Variants in WWC2 observed in about 807,000 individuals in gnomAD.
WWC2 encodes protein WWC2.
WWC2 carries 101 observed loss-of-function variants against 138.5 expected under a neutral mutation model. The observed-to-expected ratio is 0.73, with a 90% CI of 0.62 to 0.86. The LOEUF (loss-of-function observed/expected upper bound fraction) is 0.86, where lower values mean the gene tolerates loss of function less well. WWC2 is among the 40% of genes least tolerant of loss of function. The pLI is 0.00. For synonymous variants in WWC2, 558 were observed against 538.4 expected (o/e 1.04, Z -0.50); for missense variants, 1,420 against 1,419.4 (o/e 1.00, Z -0.01).
intron 4 of WWC2, among the ~76,000 whole-genome samples, chr4:183,223,289 A>G (rs372631117): frequency 5.5e-4 from 84 of 152,364 alleles, no homozygotes; most frequent in African/African-American, 1.9e-3. Context: ...GAATTGCCCA[A>G]CATCGTATTT....
At chr4:183,227,729 C>T (rs768684745) in intron 4 of WWC2, among the ~76,000 whole-genome samples, 1 of 151,934 alleles carries the variant, frequency 6.6e-6, no homozygotes, top group Non-Finnish European at 1.5e-5. Flanking sequence ...TCATACCAAT[C>T]GTGTTTTCTT....
intron 1 of WWC2, among the ~76,000 whole-genome samples, chr4:183,146,727 G>A (rs1032649830): frequency 6.6e-6 from 1 of 152,202 alleles, no homozygotes; most frequent in East Asian, 1.9e-4. Flanking sequence ...CAATGACAAC[G>A]TTGTCAGCAC....
At chr4:183,146,049 G>A (rs1335981191) in intron 1 of WWC2, among the ~76,000 whole-genome samples, 1 of 152,192 alleles carries the variant, frequency 6.6e-6, no homozygotes, top group Admixed American at 6.5e-5. Flanking sequence ...ATGGTAGGAA[G>A]GTCTGAGTAA....
chr4:183,149,486 G>A (rs1021899883), intron 1 of WWC2, among the ~76,000 whole-genome samples: 6 of 152,072 alleles, frequency 3.9e-5, no homozygotes, highest in African/African-American at 1.4e-4. Context: ...GCCAGGTGTG[G>A]TGGTGTATGC....
At chr4:183,219,067 T>G (rs1465295745) in intron 4 of WWC2, among the ~76,000 whole-genome samples, 1 of 152,328 alleles carries the variant, frequency 6.6e-6, no homozygotes, top group East Asian at 1.9e-4. Flanking sequence ...GAAAACATTA[T>G]GTTAAGTGAA....
intron 4 of WWC2, among the ~76,000 whole-genome samples, chr4:183,219,211 A>AG (rs1282713030): frequency 1.3e-5 from 2 of 152,198 alleles, no homozygotes; most frequent in Non-Finnish European, 2.9e-5. Flanking sequence ...ACTGTTTAAT[A>AG]GGGACAGAGT....
intron 1 of WWC2, among the ~76,000 whole-genome samples, chr4:183,147,112 A>G (rs1478194108): frequency 6.6e-6 from 1 of 152,206 alleles, no homozygotes. Flanking sequence ...CTGGGACCAC[A>G]ATTCTGTGTT....
At position 183,280,758 on chromosome 4, in the gene WWC2, A is replaced by C. The variant is rs1432092429; in HGVS notation, c.2563-18A>C. On this transcript the variant is annotated intron_variant, in intron 16 of 22. Coordinates refer to ENST00000403733, the MANE Select transcript of WWC2 (RefSeq NM_024949.6). ...TCAAGTATATTATGTTAATTGCCGT[A>C]TGCTTTACATTCTTCAGGATGCAGT... The C allele has an allele frequency of 1.3e-6, 2 of 1,593,776 alleles. No individual in the cohort carries two copies. The highest frequency in any genetic ancestry group is 1.7e-6 in the Non-Finnish European group (2 of 1,170,308).
intron 5 of WWC2, 197 bp downstream of exon 5, chr4:183,240,459 A>C: frequency 4.4e-6 from 2 of 455,308 alleles, no homozygotes; most frequent in South Asian, 9.8e-5. Context: ...GCACTTGAAA[A>C]GATCCAAAGT....
At chr4:183,309,335 T>C (rs973002836) in intron 21 of WWC2, among the ~76,000 whole-genome samples, 1 of 152,224 alleles carries the variant, frequency 6.6e-6, no homozygotes, top group Non-Finnish European at 1.5e-5. Flanking sequence ...GTAAAAGTTA[T>C]GTCTGATAAA....
intron 1 of WWC2, among the ~76,000 whole-genome samples, chr4:183,142,492 T>G (rs1733331111): frequency 6.6e-6 from 1 of 152,242 alleles, no homozygotes; most frequent in Admixed American, 6.5e-5. Flanking sequence ...GTACTCTTAA[T>G]GGAAAGAAGG....
At chr4:183,140,023 G>A (rs1733250765) in intron 1 of WWC2, among the ~76,000 whole-genome samples, 2 of 152,194 alleles carry the variant, frequency 1.3e-5, no homozygotes, top group Admixed American at 6.5e-5. Flanking sequence ...TGTTGGCCAA[G>A]CTGGTCTCGA....
chr4:183,199,241 C>T (rs1036162031), intron 2 of WWC2, among the ~76,000 whole-genome samples: 5 of 152,062 alleles, frequency 3.3e-5, no homozygotes, highest in South Asian at 4.1e-4. Flanking sequence ...CTGGGGTAAC[C>T]GGGGGTTTTG....
chr4:183,306,769 C>T (rs1295413306), intron 21 of WWC2, among the ~76,000 whole-genome samples: 6 of 151,392 alleles, frequency 4.0e-5, no homozygotes, highest in South Asian at 2.1e-4. Context: ...TCTGGTGATC[C>T]GCCTGCCTTG....
intron 1 of WWC2, among the ~76,000 whole-genome samples, chr4:183,167,314 G>T (rs756956035): frequency 6.6e-6 from 1 of 152,166 alleles, no homozygotes; most frequent in Non-Finnish European, 1.5e-5. Context: ...GATGACTCAG[G>T]TTAGTGAGGG....
chr4:183,167,827 T>C (rs565012074), intron 1 of WWC2, among the ~76,000 whole-genome samples: 1 of 151,176 alleles, frequency 6.6e-6, no homozygotes, highest in Non-Finnish European at 1.5e-5. Flanking sequence ...CTAGATACCT[T>C]GATTTTATGT....
At chr4:183,205,585 A>T (rs1403844235) in intron 2 of WWC2, among the ~76,000 whole-genome samples, 2 of 152,076 alleles carry the variant, frequency 1.3e-5, no homozygotes, top group Non-Finnish European at 2.9e-5. Context: ...ATTGAGTGCT[A>T]GGTTTTGTGC....
At chr4:183,237,552 C>T (rs1736466052) in intron 4 of WWC2, among the ~76,000 whole-genome samples, 1 of 152,168 alleles carries the variant, frequency 6.6e-6, no homozygotes, top group South Asian at 2.1e-4. Flanking sequence ...ACCCTCATCC[C>T]CAAGCCATAA....
At position 183,248,806 on chromosome 4, in the gene WWC2, A is replaced by G; in HGVS notation, c.825A>G (p.Leu275=). 2.5e-6 allele frequency: 4 copies of G among 1,603,802 alleles called. 1 individual carries two copies. In the Middle Eastern group the frequency reaches 5.0e-4, roughly 199 times the overall value. Residue 275 remains leucine, a synonymous_variant, in exon 7 of 23, where the codon TTA becomes TTG. Transcript: ENST00000403733. The part of the protein sequence containing the change: ...DLRCSPVNSH[L]CLSRQTLDAG... Reference sequence around the variant, plus strand: ...GATGTAGTCCTGTGAACTCTCATTTATGTCTCTCCAGACAGACCCTTGATG... The same window carrying G: ...GATGTAGTCCTGTGAACTCTCATTTGTGTCTCTCCAGACAGACCCTTGATG...
Sources: gnomAD v4.1 joint callset for allele counts (sites outside exome capture counted in the v4.1 genomes callset) on GRCh38, gnomAD v4.1.1 for gene constraint, MANE v1.5 for transcripts, NCBI Gene and HGNC (gene_info 2026-07-23, HGNC 2026-07-21) for gene names.